Variants in HUWE1 observed in about 807,000 individuals in gnomAD.
HUWE1 encodes the protein E3 ubiquitin-protein ligase HUWE1.
Under a neutral mutation model 299.4 loss-of-function variants are expected in HUWE1, and 18 were observed. The observed-to-expected ratio is 0.06, with a 90% CI of 0.04 to 0.09. HUWE1 has a LOEUF of 0.09. HUWE1 is among the 10% of genes least tolerant of loss of function. The probability of loss-of-function intolerance (pLI) is 1.00; values close to 1 mark genes in which losing one functional copy is unlikely to be tolerated. For synonymous variants in HUWE1, 1,317 were observed against 1,286.1 expected, an observed-to-expected ratio of 1.02 and a Z score of -0.51; for missense variants, 1,832 against 3,462.3, an observed-to-expected ratio of 0.53 and a Z score of 11.82.
At chrX:53,611,188 T>TA (rs1204862205) in intron 23 of HUWE1, among the ~76,000 whole-genome samples, 5,129 of 60,665 alleles carry the variant, frequency 0.085, 186 homozygotes, top group Middle Eastern at 0.11. Context: ...GCTGATTTTG[T>TA]AAAAAAAAAA....
At chrX:53,619,590 G>GAAAAAAAAAAAAAAAAAAAAAAAAAAA in intron 19 of HUWE1, among the ~76,000 whole-genome samples, 1 of 41,166 alleles carries the variant, frequency 2.4e-5, no homozygotes, top group Non-Finnish European at 4.6e-5. Flanking sequence ...AGAAATAGAA[G>GAAAAAAAAAAAAAAAAAAAAAAAAAAA]AAAAAAAAAA....
At chrX:53,635,815 A>ATT (rs2067173911) in intron 7 of HUWE1, among the ~76,000 whole-genome samples, 1 of 111,963 alleles carries the variant, frequency 8.9e-6, no homozygotes, top group Non-Finnish European at 1.9e-5. Flanking sequence ...CTTGCCAAAG[A>ATT]AGTCTCAAAA....
chrX:53,583,800 G>A lies in HUWE1; in HGVS notation c.5278C>T (p.Arg1760Trp), dbSNP rs1375212039. 3 of 1,205,908 alleles carry A rather than the reference G, an allele frequency of 2.5e-6. No individual in the cohort carries two copies. The highest frequency in any genetic ancestry group is 1.1e-6 in the Non-Finnish European group (1 of 892,901). The change falls in exon 42 of 84, where the codon CGG becomes TGG. Residue 1760 changes from arginine to tryptophan, a missense_variant. Physicochemically the swap from Arg to Trp is moderately radical, Grantham distance 101 (BLOSUM62 -3). This residue lies in a region of HUWE1 where 50 missense variants were observed against 114.9 expected (regional missense o/e 0.44). Coordinates refer to ENST00000262854, the MANE Select transcript of HUWE1 (RefSeq NM_031407.7). ...LTEDMVTVLI[R>W]ACVSMLGVPV... ...ACTCCCAGCATGCTCACGCAGGCCC[G>A]GATTAAAACAGTCACCATATCTTCT...
At chrX:53,555,636 CTTTTTTTTT>C (rs1175050260) in intron 60 of HUWE1, among the ~76,000 whole-genome samples, 5 of 75,267 alleles carry the variant, frequency 6.6e-5, no homozygotes, top group Non-Finnish European at 1.3e-4. Context: ...CCTTCAAAAT[CTTTTTTTTT>C]TTTTTTTTTT....
chrX:53,621,686 A>G (rs1305602856), intron 19 of HUWE1, among the ~76,000 whole-genome samples: 5 of 111,054 alleles, frequency 4.5e-5, no homozygotes, highest in Admixed American at 9.7e-5. Context: ...GTCACTACCT[A>G]TATTTCCTGC....
chrX:53,602,032 G>A (rs1398301054), intron 28 of HUWE1, among the ~76,000 whole-genome samples: 1 of 111,155 alleles, frequency 9.0e-6, no homozygotes, highest in African/African-American at 3.3e-5. Context: ...CAGCACTGTC[G>A]ATAGAAATAT....
At chrX:53,535,255 GTT>G in intron 81 of HUWE1, 127 bp downstream of exon 81, 2 of 543,243 alleles carry the variant, frequency 3.7e-6, no homozygotes, top group Non-Finnish European at 6.6e-6. Context: ...TTGATCAAGT[GTT>G]TTGTCTTTTG....
At chrX:53,552,180 G>T in intron 63 of HUWE1, 131 bp downstream of exon 63, 1 of 736,236 alleles carries the variant, frequency 1.4e-6, no homozygotes, top group Non-Finnish European at 2.1e-6. Context: ...CAGCACCCCC[G>T]CTTATTGTCA....
chrX:53,648,724 T>C (rs1259962010), intron 4 of HUWE1, among the ~76,000 whole-genome samples: 3 of 109,947 alleles, frequency 2.7e-5, no homozygotes, highest in Non-Finnish European at 5.7e-5. Context: ...TGGTAGGTTA[T>C]ATTGAATCAG....
chrX:53,570,215 C>A (rs1556949892), intron 47 of HUWE1, among the ~76,000 whole-genome samples: 1 of 99,254 alleles, frequency 1.0e-5, no homozygotes, highest in Non-Finnish European at 1.9e-5. Context: ...GTCTCAAACT[C>A]CTGTGTGTGT....
At chrX:53,603,900 T>C (rs1228016619) in intron 26 of HUWE1, among the ~76,000 whole-genome samples, 1 of 112,417 alleles carries the variant, frequency 8.9e-6, no homozygotes, top group Non-Finnish European at 1.9e-5. Context: ...ATGTTTCATT[T>C]TCATTTTATT....
intron 7 of HUWE1, among the ~76,000 whole-genome samples, chrX:53,639,046 G>GA (rs1557028532): frequency 8.9e-6 from 1 of 111,968 alleles, no homozygotes; most frequent in South Asian, 3.7e-4. Context: ...AACCATTTTT[G>GA]AAAACATCAC....
chrX:53,592,758 G>C, intron 32 of HUWE1, 130 bp from the exon 33 acceptor site: 1 of 514,695 alleles, frequency 1.9e-6, no homozygotes. Context: ...GCCAACATGA[G>C]GAGGTCTAAG....
chrX:53,564,502 C>G, intron 51 of HUWE1, 72 bp downstream of exon 51: 2 of 1,140,629 alleles, frequency 1.8e-6, no homozygotes, highest in Non-Finnish European at 2.4e-6. Context: ...AAGTACTCAC[C>G]CACCCACACC....
intron 12 of HUWE1, among the ~76,000 whole-genome samples, chrX:53,630,500 G>A (rs1402792739): frequency 1.8e-5 from 2 of 110,684 alleles, no homozygotes; most frequent in Admixed American, 9.6e-5. Flanking sequence ...ACAAAACCAC[G>A]TGTTTTCCAT....
At chrX:53,544,425 C>T in intron 72 of HUWE1, 135 bp downstream of exon 72, 2 of 538,066 alleles carry the variant, frequency 3.7e-6, no homozygotes, top group Non-Finnish European at 3.2e-6. Flanking sequence ...CATCAACATT[C>T]TGAAAAAAGG....
rs781784804 is a variant in HUWE1, at chrX:53,567,534, G to T, written c.6707+1158C>A. On this transcript the variant is annotated intron_variant, in intron 49 of 83. Transcript: ENST00000262854. The stretch of plus-strand genomic sequence containing the variant: ...TTTGAATCTCAAATGTAAATAGAAA[G>T]AAATTAAGTTTTTATACTGCCTTTA... Among the ~76,000 whole-genome samples the T allele has an allele frequency of 9.0e-5, 10 of 111,619 alleles. No homozygotes were observed. The South Asian group carries it at 3.4e-3, about 38-fold the overall frequency.
chrX:53,618,641 T>G (rs1157964353), intron 19 of HUWE1, among the ~76,000 whole-genome samples: 3 of 106,801 alleles, frequency 2.8e-5, no homozygotes, highest in Non-Finnish European at 5.8e-5. Context: ...CTCGGCTCAC[T>G]GCAGCCTCCA....
At position 53,565,210 on chromosome X, in the gene HUWE1, G is replaced by A; in HGVS notation, c.6737C>T (p.Ala2246Val). ...SPNMANTVNA[A>V]LKPLETLSRI... ...GGAAAGTGTTTCCAAAGGCTTCAGA[G>A]CAGCATTGACTGTGTTGGCCATGTT... Residue 2246 changes from alanine to valine, a missense_variant, in exon 50 of 84, where the codon GCT (alanine) becomes GTT (valine). Ala to Val is a moderately conservative substitution (Grantham distance 64). Coordinates refer to ENST00000262854, the MANE Select transcript of HUWE1 (RefSeq NM_031407.7). 1.7e-6 allele frequency: 2 copies of A among 1,211,042 alleles called. No individual in the cohort carries two copies. Among genetic ancestry groups the A allele is most frequent in the Non-Finnish European group, 2.2e-6 (2 of 894,940 alleles).
Sources: allele counts gnomAD v4.1 joint callset (sites outside exome capture counted in the v4.1 genomes callset), GRCh38; gene constraint gnomAD v4.1.1; regional missense constraint gnomAD v4.1.1; transcripts MANE v1.5; gene names NCBI Gene and HGNC (gene_info 2026-07-23, HGNC 2026-07-21).